The following EDNRA variants were observed in gnomAD, a reference collection of about 807,000 sequenced individuals.
EDNRA encodes the protein endothelin receptor type A, also known as endothelin-1 receptor.
EDNRA carries 11 observed loss-of-function variants against 41.4 expected under a neutral mutation model. The observed-to-expected ratio is 0.27, with a 90% CI of 0.17 to 0.44. The LOEUF (loss-of-function observed/expected upper bound fraction) is 0.44. EDNRA is among the 20% of genes least tolerant of loss of function. The pLI, the probability that EDNRA is intolerant of heterozygous loss-of-function variation, is 1.00. For missense variants in EDNRA, 294 were observed against 531.0 expected (o/e 0.55, Z 4.39); for synonymous variants, 172 against 183.0 (o/e 0.94, Z 0.49).
At position 147,486,788 on chromosome 4, in the gene EDNRA, T is replaced by G. The variant is rs138762304; in HGVS notation, c.420+687T>G. On this transcript the variant is annotated intron_variant, in intron 2 of 7. Transcript: ENST00000651419. This position sits in a 1 kb window ranked among gnomAD's most constrained non-coding sequence, Gnocchi z 4.3. ...TGAGCACCCACTGTGTGCCCACCCC[T>G]GAGCTAGGCAGTAAGGAACCAAAAA... is the stretch of plus-strand genomic sequence containing the variant. Among the ~76,000 whole-genome samples the G allele has an allele frequency of 9.2e-5, 14 of 152,060 alleles. No homozygotes were observed. Among genetic ancestry groups the G allele is most frequent in the African/African-American group, 2.7e-4 (11 of 41,484 alleles).
chr4:147,493,891 C>T (rs1410597159), intron 2 of EDNRA: 5 of 152,122 alleles, frequency 3.3e-5, no homozygotes, highest in African/African-American at 9.7e-5. Flanking sequence ...TTCTGGGGCT[C>T]AGGAGCCTAA....
intron 2 of EDNRA, among the ~76,000 whole-genome samples, chr4:147,513,177 T>A (rs926088579): frequency 9.2e-5 from 14 of 152,064 alleles, no homozygotes; most frequent in Non-Finnish European, 2.1e-4. Context: ...GCTGCCTTGA[T>A]TACAAGGAGG....
At chr4:147,518,665 G>A (rs559625426) in intron 2 of EDNRA, among the ~76,000 whole-genome samples, 7 of 151,988 alleles carry the variant, frequency 4.6e-5, no homozygotes, top group African/African-American at 1.4e-4. Flanking sequence ...ACTGACCATG[G>A]AATTAAACCT....
chr4:147,542,458 G>C lies in EDNRA; in HGVS notation c.1144-20G>C, dbSNP rs750782227. The C allele has an allele frequency of 1.2e-6, 2 of 1,613,770 alleles. No individual in the cohort carries two copies. The highest frequency in any genetic ancestry group is 2.2e-5 in the South Asian group (2 of 91,018). ...TGGGCTGGTAGGCTCGCCTTACTTC[G>C]AGTCTGTTCCTTCCCCCAGTCATGC... On this transcript the variant is annotated intron_variant, in intron 7 of 7. Transcript: ENST00000651419.
At chr4:147,490,838 G>A (rs538199259) in intron 2 of EDNRA, 1 of 152,192 alleles carries the variant, frequency 6.6e-6, no homozygotes, top group East Asian at 1.9e-4. Context: ...CAGGATAACA[G>A]CTCCGCCATT....
intron 2 of EDNRA, chr4:147,488,142 C>A (rs1373399205): frequency 6.6e-6 from 1 of 152,210 alleles, no homozygotes; most frequent in Non-Finnish European, 1.5e-5. Context: ...TTTATAACTC[C>A]CTGCTGCTGT....
chr4:147,498,526 C>T (rs1205421387), intron 2 of EDNRA, among the ~76,000 whole-genome samples: 2 of 151,324 alleles, frequency 1.3e-5, no homozygotes, highest in African/African-American at 2.5e-5. Context: ...TGGAACACAG[C>T]CATACCTATT....
At chr4:147,542,449 C>T in intron 7 of EDNRA, 29 bp from the exon 8 acceptor site, 2 of 1,613,580 alleles carry the variant, frequency 1.2e-6, no homozygotes, top group Non-Finnish European at 1.7e-6. Context: ...GGTAGGCTCG[C>T]CTTACTTCGA....
intron 2 of EDNRA, among the ~76,000 whole-genome samples, chr4:147,512,564 C>A (rs759431143): frequency 6.6e-6 from 1 of 152,212 alleles, no homozygotes; most frequent in Non-Finnish European, 1.5e-5. Context: ...CGGGAACTAA[C>A]ATTTATGATT....
chr4:147,500,423 C>T (rs1159246709), intron 2 of EDNRA, among the ~76,000 whole-genome samples: 2 of 152,094 alleles, frequency 1.3e-5, no homozygotes, highest in African/African-American at 4.8e-5. Flanking sequence ...TTAGATTTTT[C>T]CAAACTGTTA....
At chr4:147,529,599 G>C (rs574356391) in intron 3 of EDNRA, among the ~76,000 whole-genome samples, 1 of 152,164 alleles carries the variant, frequency 6.6e-6, no homozygotes, top group African/African-American at 2.4e-5. Context: ...AGAGAGGAGG[G>C]ATTCTTTCTG....
chr4:147,533,230 C>A (rs1044434490), intron 4 of EDNRA, among the ~76,000 whole-genome samples: 2 of 152,066 alleles, frequency 1.3e-5, no homozygotes, highest in Non-Finnish European at 2.9e-5. Context: ...GTCTAATATA[C>A]AAATAATATA....
intron 3 of EDNRA, among the ~76,000 whole-genome samples, chr4:147,522,333 G>A (rs961053198): frequency 8.5e-5 from 13 of 152,124 alleles, no homozygotes; most frequent in African/African-American, 3.1e-4. Context: ...GAAGCCAGGA[G>A]TTCAAGACCA....
intron 3 of EDNRA, among the ~76,000 whole-genome samples, chr4:147,523,755 G>T (rs1046372899): frequency 1.3e-5 from 2 of 152,168 alleles, no homozygotes; most frequent in African/African-American, 4.8e-5. Flanking sequence ...CTCCCAAAGT[G>T]CTGGGATTAC....
chr4:147,483,248 C>A (rs1728834078), intron 1 of EDNRA, among the ~76,000 whole-genome samples: 1 of 152,194 alleles, frequency 6.6e-6, no homozygotes, highest in African/African-American at 2.4e-5. Flanking sequence ...ACATGGCCTG[C>A]CTCTAGCCTT....
chr4:147,506,772 T>G, intron 2 of EDNRA: 1 of 259,398 alleles, frequency 3.9e-6, no homozygotes, highest in South Asian at 6.7e-5. Flanking sequence ...TTAAGATGGC[T>G]CCTAGCCAGC....
intron 2 of EDNRA, among the ~76,000 whole-genome samples, chr4:147,502,388 T>C (rs1729546979): frequency 6.6e-6 from 1 of 152,174 alleles, no homozygotes; most frequent in South Asian, 2.1e-4. Flanking sequence ...ATTATTGATA[T>C]TTAGAAGAAG....
chr4:147,481,902 T>G (rs776505115), intron 1 of EDNRA, among the ~76,000 whole-genome samples: 2 of 152,342 alleles, frequency 1.3e-5, no homozygotes, highest in Admixed American at 6.5e-5. Flanking sequence ...TTTGGAAACC[T>G]GCCTGTGGAG....
intron 3 of EDNRA, among the ~76,000 whole-genome samples, chr4:147,522,330 G>T (rs908215693): frequency 6.6e-6 from 1 of 152,146 alleles, no homozygotes; most frequent in South Asian, 2.1e-4. Flanking sequence ...CTTGAAGCCA[G>T]GAGTTCAAGA....
Sources: allele counts gnomAD v4.1 joint callset (sites outside exome capture counted in the v4.1 genomes callset), GRCh38; gene constraint gnomAD v4.1.1; non-coding constraint Gnocchi (gnomAD v3.1); transcripts MANE v1.5; gene names NCBI Gene and HGNC (gene_info 2026-07-23, HGNC 2026-07-21).